ZNF462: variants seen among roughly 807,000 people sequenced by gnomAD.
The protein encoded by ZNF462 is zinc finger PBX1-interacting protein.
ZNF462 carries 10 observed loss-of-function variants against 201.9 expected under a neutral mutation model. That is an observed-to-expected ratio of 0.05 (90% CI 0.03 to 0.08). The LOEUF (loss-of-function observed/expected upper bound fraction) is 0.08, where lower values mean the gene tolerates loss of function less well. ZNF462 is among the 10% of genes least tolerant of loss of function. The pLI, the probability that ZNF462 is intolerant of heterozygous loss-of-function variation, is 1.00. For synonymous variants in ZNF462, 1,227 were observed against 1,193.3 expected (o/e 1.03, Z -0.58); for missense variants, 2,523 against 3,168.3 (o/e 0.80, Z 4.89).
intron 1 of ZNF462, among the ~76,000 whole-genome samples, chr9:106,901,936 G>A (rs986929664): frequency 6.6e-6 from 1 of 152,026 alleles, no homozygotes; most frequent in Non-Finnish European, 1.5e-5. Flanking sequence ...GATTGCTCTC[G>A]CTAGAACTTT....
In ZNF462 at chr9:106,928,225, C is replaced by T. The variant is rs115571895; in HGVS notation, c.4313C>T (p.Pro1438Leu). ...NCENSIPTPFPEQEAECPEDA... is the reference protein window; with the variant it reads ...NCENSIPTPFLEQEAECPEDA... Reference sequence around the variant, plus strand: ...GAAAACAGTATACCCACCCCTTTCCCGGAGCAGGAAGCTGAATGTCCAGAG... The same window carrying T: ...GAAAACAGTATACCCACCCCTTTCCTGGAGCAGGAAGCTGAATGTCCAGAG... Residue 1438 changes from proline to leucine, a missense_variant, in exon 3 of 13, where the codon CCG becomes CTG. This residue lies in a region of ZNF462 where 165 missense variants were observed against 142.6 expected (regional missense o/e 1.16). Coordinates refer to ENST00000277225, the MANE Select transcript of ZNF462 (RefSeq NM_021224.6). This position sits in a 1 kb window ranked among gnomAD's most constrained non-coding sequence, Gnocchi z 9.3. 6.8e-4 allele frequency: 1,104 copies of T among 1,614,026 alleles called. 2 individuals are homozygous for T. Among genetic ancestry groups the T allele is most frequent in the Non-Finnish European group, 8.5e-4 (1,005 of 1,180,014 alleles).
In ZNF462 at chr9:106,926,747, A is replaced by G; in HGVS notation, c.2835A>G (p.Gln945=). The change falls in exon 3 of 13, where the codon CAA becomes CAG. Residue 945 remains glutamine (Q), a synonymous_variant. Coordinates refer to ENST00000277225, the MANE Select transcript of ZNF462 (RefSeq NM_021224.6). This position sits in a 1 kb window ranked among gnomAD's most constrained non-coding sequence, Gnocchi z 7.9. ...TTAGAAGCCTGATGCCACATTACCA[A>G]AGAATGCATCCCACGGTGAAGATCA... The part of the protein sequence containing the change: ...PNVRSLMPHY[Q]RMHPTVKINN... 6.2e-7 allele frequency: 1 copy of G among 1,614,156 alleles called. No individual in the cohort carries two copies. Among genetic ancestry groups the G allele is most frequent in the Non-Finnish European group, 8.5e-7 (1 of 1,180,038 alleles).
At chr9:106,894,709 A>G (rs897506236) in intron 1 of ZNF462, among the ~76,000 whole-genome samples, 21 of 152,350 alleles carry the variant, frequency 1.4e-4, no homozygotes, top group African/African-American at 5.1e-4. Context: ...CACTTGAAAC[A>G]GTGAAACAGC....
intron 1 of ZNF462, among the ~76,000 whole-genome samples, chr9:106,894,287 G>A (rs369396275): frequency 2.0e-5 from 3 of 152,190 alleles, no homozygotes; most frequent in South Asian, 4.1e-4. Flanking sequence ...TCAGCTCTGG[G>A]GTTGGTGCAT....
At position 106,885,725 on chromosome 9, in the gene ZNF462, T is replaced by C. The variant is rs990655276; in HGVS notation, c.-31+22370T>C. ...AGCATTAGGTCACCCTTTAGGCGTA[T>C]GGTGCAGAGCTCATGCTACCATCAA... On this transcript the variant is annotated intron_variant, in intron 1 of 12. Transcript: ENST00000277225. The surrounding 1 kb of genome is among the most constrained non-coding windows in gnomAD (Gnocchi z 4.1). Among the ~76,000 whole-genome samples, 2 of 152,226 alleles carry C rather than the reference T, an allele frequency of 1.3e-5. No homozygotes were observed. Among genetic ancestry groups the C allele is most frequent in the African/African-American group, 4.8e-5 (2 of 41,472 alleles).
intron 7 of ZNF462, among the ~76,000 whole-genome samples, chr9:106,951,855 T>G (rs1448742879): frequency 6.6e-6 from 1 of 151,962 alleles, no homozygotes; most frequent in Non-Finnish European, 1.5e-5. Flanking sequence ...TGTTGTGTTT[T>G]TTTTTTTTTT....
At chr9:106,937,098 T>C (rs1830662246) in intron 6 of ZNF462, among the ~76,000 whole-genome samples, 1 of 152,220 alleles carries the variant, frequency 6.6e-6, no homozygotes, top group Non-Finnish European at 1.5e-5. Context: ...TATTTTATTT[T>C]ATTTTAAAGA....
At chr9:106,922,859 C>A (rs1185244267) in intron 1 of ZNF462, among the ~76,000 whole-genome samples, 2 of 152,196 alleles carry the variant, frequency 1.3e-5, no homozygotes, top group Admixed American at 1.3e-4. Context: ...GATTTAAATA[C>A]TATTTCACTA....
At chr9:106,956,029 C>T (rs527732844) in intron 7 of ZNF462, among the ~76,000 whole-genome samples, 3 of 152,208 alleles carry the variant, frequency 2.0e-5, no homozygotes, top group African/African-American at 7.2e-5. Context: ...GATATTTTGA[C>T]GTCCTCCCAT....
In ZNF462 at chr9:106,984,361, G is replaced by A. The variant is rs1341425646; in HGVS notation, c.7008G>A (p.Glu2336=). The A allele has an allele frequency of 1.2e-6, 2 of 1,614,008 alleles. No individual in the cohort carries two copies. Among genetic ancestry groups the A allele is most frequent in the East Asian group, 4.5e-5 (2 of 44,858 alleles). ...KPYKCQLCYY[E]TKHTEELDSH... ...ACAAATGCCAGCTCTGCTACTATGA[G>A]ACCAAGCACACGGAGGAACTGGACA... Residue 2336 remains glutamate, a synonymous_variant, in exon 10 of 13, where the codon GAG becomes GAA. Transcript: ENST00000277225. The surrounding 1 kb of genome is among the most constrained non-coding windows in gnomAD (Gnocchi z 6.4).
chr9:106,978,931 C>T lies in ZNF462; in HGVS notation c.6832+4658C>T. Reference sequence around the variant, plus strand: ...GTCCTGATGGCTTCTACCAGCTTAGCCAAAGCGCCTTTGTCTTCCAAGTTA... The same window carrying T: ...GTCCTGATGGCTTCTACCAGCTTAGTCAAAGCGCCTTTGTCTTCCAAGTTA... On this transcript the variant is annotated intron_variant, in intron 9 of 12. Transcript: ENST00000277225. This position sits in a 1 kb window ranked among gnomAD's most constrained non-coding sequence, Gnocchi z 4.1. The T allele has an allele frequency of 6.3e-6, 2 of 319,610 alleles. No homozygotes were observed. The highest frequency in any genetic ancestry group is 3.6e-5 in the Admixed American group (1 of 27,972). The allele number at this position is 319,610 out of a possible 1,614,324, so 19.8% of individuals were successfully genotyped here. A position where few individuals can be genotyped will look rare whatever the true frequency, so the allele number is the denominator to read the frequency against.
In ZNF462 at chr9:106,924,674, C is replaced by T; in HGVS notation, c.762C>T (p.Arg254=). The T allele has an allele frequency of 6.2e-7, 1 of 1,614,146 alleles. No individual in the cohort carries two copies. Among genetic ancestry groups the T allele is most frequent in the Non-Finnish European group, 8.5e-7 (1 of 1,180,008 alleles). The change falls in exon 3 of 13, where the codon CGC becomes CGT. Residue 254 remains arginine, a synonymous_variant. Coordinates refer to ENST00000277225, the MANE Select transcript of ZNF462 (RefSeq NM_021224.6). This position sits in a 1 kb window ranked among gnomAD's most constrained non-coding sequence, Gnocchi z 6.2. ...AGTGGTGCAGCTACCAGACCCCCCG[C>T]CGAGAACGCTGGTGTGACCACATGA... ...CCEWCSYQTP[R]RERWCDHMMK... is the part of the protein sequence containing the mutation.
Position 106,880,132 on chromosome 9 carries a change from G to A in ZNF462, c.-31+16777G>A, listed in dbSNP as rs144772546. Among the ~76,000 whole-genome samples the A allele has an allele frequency of 6.6e-5, 10 of 152,202 alleles. No homozygotes were observed. In the East Asian group the frequency reaches 1.7e-3, roughly 26 times the overall value. On this transcript the variant is annotated intron_variant, in intron 1 of 12. Coordinates refer to ENST00000277225, the MANE Select transcript of ZNF462 (RefSeq NM_021224.6). This position sits in a 1 kb window ranked among gnomAD's most constrained non-coding sequence, Gnocchi z 4.1. ...ACAGAGTTGCTCGTAACCACCAAGA[G>A]CCCTCTCAATTTCTGCCGCCCGCTC...
chr9:106,966,462 T>C lies in ZNF462; in HGVS notation c.6428-5543T>C, dbSNP rs182292862. Among the ~76,000 whole-genome samples the C allele has an allele frequency of 5.9e-5, 9 of 152,252 alleles. No homozygotes were observed. Among genetic ancestry groups the C allele is most frequent in the Admixed American group, 1.3e-4 (2 of 15,284 alleles). Reference sequence around the variant, plus strand: ...CACTAATTAATACTAGTTATATTTATTAATGGACACTCATAGTTCTCTTGA... The same window carrying C: ...CACTAATTAATACTAGTTATATTTACTAATGGACACTCATAGTTCTCTTGA... On this transcript the variant is annotated intron_variant, in intron 7 of 12. Transcript: ENST00000277225. This position sits in a 1 kb window ranked among gnomAD's most constrained non-coding sequence, Gnocchi z 4.4.
rs932142574 is a variant in ZNF462, at chr9:106,938,220, A to G, written c.6236-696A>G. On this transcript the variant is annotated intron_variant, in intron 6 of 12. Transcript: ENST00000277225. This position sits in a 1 kb window ranked among gnomAD's most constrained non-coding sequence, Gnocchi z 4.4. ...ACTGAGAGGCAGTCTTTATTGAAGA[A>G]TATTGGAGATAAACACACACACTGT... 2.6e-5 allele frequency among the ~76,000 whole-genome samples: 4 copies of G among 152,220 alleles called. No homozygotes were observed. Among genetic ancestry groups the G allele is most frequent in the South Asian group, 2.1e-4 (1 of 4,834 alleles).
intron 1 of ZNF462, among the ~76,000 whole-genome samples, chr9:106,908,712 C>T (rs188277791): frequency 5.0e-4 from 76 of 150,586 alleles, no homozygotes; most frequent in African/African-American, 1.6e-3. Context: ...TTCCTTTGTC[C>T]TCTTCATTTT....
At chr9:106,957,033 ACTTTTC>A (rs1831609318) in intron 7 of ZNF462, among the ~76,000 whole-genome samples, 1 of 152,138 alleles carries the variant, frequency 6.6e-6, no homozygotes, top group Non-Finnish European at 1.5e-5. Context: ...TTCCTCAAGA[ACTTTTC>A]CTTTGCATTC....
At position 106,977,700 on chromosome 9, in the gene ZNF462, G is replaced by A. The variant is rs1025647719; in HGVS notation, c.6832+3427G>A. Among the ~76,000 whole-genome samples the A allele has an allele frequency of 4.6e-5, 7 of 151,544 alleles. No homozygotes were observed. The highest frequency in any genetic ancestry group is 1.2e-4 in the African/African-American group (5 of 40,814). ...GTGCGTAGTATAGACAAGACAGTGA[G>A]TGATGGGTATCTAGGTATATTTCTG... On this transcript the variant is annotated intron_variant, in intron 9 of 12. Transcript: ENST00000277225. The surrounding 1 kb of genome is among the most constrained non-coding windows in gnomAD (Gnocchi z 4.6).
At chr9:106,934,974 C>G (rs1244155387) in intron 5 of ZNF462, among the ~76,000 whole-genome samples, 1 of 152,148 alleles carries the variant, frequency 6.6e-6, no homozygotes, top group Admixed American at 6.5e-5. Flanking sequence ...GGCAACAAGA[C>G]AGCCCATTGC....
Sources: gnomAD v4.1 joint callset for allele counts (sites outside exome capture counted in the v4.1 genomes callset) on GRCh38, gnomAD v4.1.1 for gene constraint, gnomAD v4.1.1 regional missense constraint, Gnocchi (gnomAD v3.1) non-coding constraint, MANE v1.5 for transcripts, NCBI Gene and HGNC (gene_info 2026-07-23, HGNC 2026-07-21) for gene names.